KIRREL3: variants seen among roughly 807,000 people sequenced by gnomAD.
The protein encoded by KIRREL3 is kirre like nephrin family adhesion molecule 3.
In KIRREL3, 36 loss-of-function variants were observed where a neutral mutation model predicts 89.7. The observed-to-expected ratio is 0.40, with a 90% confidence interval of 0.31 to 0.53. The LOEUF (loss-of-function observed/expected upper bound fraction) is 0.53. Among genes scored for constraint, KIRREL3 ranks in the 20% least tolerant of loss-of-function variants. The pLI is 0.49. For synonymous variants in KIRREL3, 445 were observed against 441.4 expected, an observed-to-expected ratio of 1.01 and a Z score of -0.10; for missense variants, 864 against 1,056.6, an observed-to-expected ratio of 0.82 and a Z score of 2.53.
intron 11 of KIRREL3, 62 bp from the exon 12 acceptor site, chr11:126,437,071 CAG>C (rs1311910297): frequency 3.6e-6 from 5 of 1,398,256 alleles, no homozygotes; most frequent in Middle Eastern, 5.3e-4. Flanking sequence ...ACGCCCACAC[CAG>C]AGTCACAGTG....
At position 126,965,358 on chromosome 11, in the gene KIRREL3, G is replaced by A. The variant is rs7125248; in HGVS notation, c.55+35097C>T. On this transcript the variant is annotated intron_variant, in intron 1 of 16. Coordinates refer to ENST00000525144, the MANE Select transcript of KIRREL3 (RefSeq NM_032531.4). This position sits in a 1 kb window ranked among gnomAD's most constrained non-coding sequence, Gnocchi z 4.4. ...ATGATAAACTCTACCTTTGGACATC[G>A]GTACTCAACTCTTAAGAAGTGAAGA... 0.06 allele frequency among the ~76,000 whole-genome samples: 9,082 copies of A among 152,188 alleles called. 298 individuals carry two copies. The highest frequency in any genetic ancestry group is 0.083 in the African/African-American group (3,466 of 41,522).
rs571195601 is a variant in KIRREL3 at position 126,523,731 on chromosome 11, T to G, written c.284-2267A>C. ...CCTCTCCCTGCTGCCGCTGCCTTCC[T>G]TGTAGCTGGCTGGCTACCCCCAGCC... is the stretch of plus-strand genomic sequence containing the variant. On this transcript the variant is annotated intron_variant, in intron 3 of 16. Coordinates refer to ENST00000525144, the MANE Select transcript of KIRREL3 (RefSeq NM_032531.4). The surrounding 1 kb of genome is among the most constrained non-coding windows in gnomAD (Gnocchi z 4.9). Among the ~76,000 whole-genome samples, 174 of 152,326 alleles carry G rather than the reference T, an allele frequency of 1.1e-3. 1 individual carries two copies. The highest frequency in any genetic ancestry group is 3.9e-3 in the African/African-American group (164 of 41,580).
intron 4 of KIRREL3, among the ~76,000 whole-genome samples, chr11:126,505,432 G>A (rs574282013): frequency 6.6e-5 from 10 of 152,082 alleles, no homozygotes; most frequent in Admixed American, 2.0e-4. Flanking sequence ...TTAGCCAGGC[G>A]TGGTGGTGGA....
At chr11:126,680,342 G>C (rs968942245) in intron 1 of KIRREL3, among the ~76,000 whole-genome samples, 2 of 152,038 alleles carry the variant, frequency 1.3e-5, no homozygotes, top group Non-Finnish European at 2.9e-5. Context: ...GCATGCAAGG[G>C]ACCGCGTACT....
rs1211731879 is a variant in KIRREL3 at position 126,879,619 on chromosome 11, C to G, written c.55+120836G>C. Among the ~76,000 whole-genome samples, 1 of 152,190 alleles carries G rather than the reference C, an allele frequency of 6.6e-6. No individual in the cohort carries two copies. Among genetic ancestry groups the G allele is most frequent in the Admixed American group, 6.5e-5 (1 of 15,282 alleles). On this transcript the variant is annotated intron_variant, in intron 1 of 16. Coordinates refer to ENST00000525144, the MANE Select transcript of KIRREL3 (RefSeq NM_032531.4). This position sits in a 1 kb window ranked among gnomAD's most constrained non-coding sequence, Gnocchi z 5.4. ...AATCTCTTCCATTTCTCCCATTTCT[C>G]TCACCTCCAAGCCACTTTCCATGTA...
intron 1 of KIRREL3, among the ~76,000 whole-genome samples, chr11:126,803,031 C>G (rs1042221748): frequency 2.6e-5 from 4 of 152,170 alleles, no homozygotes; most frequent in Non-Finnish European, 5.9e-5. Context: ...TTCCTCCATT[C>G]ACGTGAAAAT....
At position 126,562,571 on chromosome 11, in the gene KIRREL3, A is replaced by G. The variant is rs1329461748; in HGVS notation, c.133+264T>C. ...GTGCGGAAGAAATGGTAGGGAAGAG[A>G]GAGGAAGAGAAGTAGGAGACACAAA... On this transcript the variant is annotated intron_variant, in intron 2 of 16. Transcript: ENST00000525144. This position sits in a 1 kb window ranked among gnomAD's most constrained non-coding sequence, Gnocchi z 4.7. Among the ~76,000 whole-genome samples, 1 of 152,102 alleles carries G rather than the reference A, an allele frequency of 6.6e-6. No individual in the cohort carries two copies. The highest frequency in any genetic ancestry group is 1.9e-4 in the East Asian group (1 of 5,196).
At position 126,472,703 on chromosome 11, in the gene KIRREL3, G is replaced by GGAGAGAGAGAGAGAGAGAGAGAGAGA. The variant is rs56276959; in HGVS notation, c.591+580_591+605dup. 9.4e-3 allele frequency among the ~76,000 whole-genome samples: 1,258 copies of GGAGAGAGAGAGAGAGAGAGAGAGAGA among 133,940 alleles called. 27 individuals carry two copies. Among genetic ancestry groups the GGAGAGAGAGAGAGAGAGAGAGAGAGA allele is most frequent in the Admixed American group, 0.013 (157 of 12,180 alleles). 87.9% of individuals were successfully genotyped at this position (133,940 alleles called of 152,430 possible). A position where few individuals can be genotyped will look rare whatever the true frequency, so the allele number is the denominator to read the frequency against. Reference sequence around the variant, plus strand: ...CCCAGCAGTTACCCTAGGACATAGAGGAGAGAGAGAGAGAGAGAGAGAGAG... The same window carrying GGAGAGAGAGAGAGAGAGAGAGAGAGA: ...CCCAGCAGTTACCCTAGGACATAGAGGAGAGAGAGAGAGAGAGAGAGAGAGAGAGAGAGAGAGAGAGAGAGAGAGAG... On this transcript the variant is annotated intron_variant, in intron 5 of 16. Coordinates refer to ENST00000525144, the MANE Select transcript of KIRREL3 (RefSeq NM_032531.4).
rs1380490540 is a variant in KIRREL3 at position 126,997,443 on chromosome 11, G to T, written c.55+3012C>A. On this transcript the variant is annotated intron_variant, in intron 1 of 16. Coordinates refer to ENST00000525144, the MANE Select transcript of KIRREL3 (RefSeq NM_032531.4). The surrounding 1 kb of genome is among the most constrained non-coding windows in gnomAD (Gnocchi z 4.3). ...TTGGGAGCCAGGCCTGGGGACTCTG[G>T]CGGGGGTGGAATCGGGAGGAATGTT... is the stretch of plus-strand genomic sequence containing the variant. 3.9e-5 allele frequency among the ~76,000 whole-genome samples: 6 copies of T among 152,118 alleles called. No individual in the cohort carries two copies. Among genetic ancestry groups the T allele is most frequent in the Non-Finnish European group, 8.8e-5 (6 of 68,002 alleles).
In KIRREL3 at chr11:126,490,659, T is replaced by C. The variant is rs1957487110; in HGVS notation, c.434-17193A>G. Among the ~76,000 whole-genome samples the C allele has an allele frequency of 6.6e-6, 1 of 152,168 alleles. No individual in the cohort carries two copies. Among genetic ancestry groups the C allele is most frequent in the Non-Finnish European group, 1.5e-5 (1 of 68,044 alleles). ...TAAAATAAGAGGGATAATAATTCTG[T>C]GAAGGTTAGGAGAAGTTCCATGGGA... On this transcript the variant is annotated intron_variant, in intron 4 of 16. Coordinates refer to ENST00000525144, the MANE Select transcript of KIRREL3 (RefSeq NM_032531.4). The surrounding 1 kb of genome is among the most constrained non-coding windows in gnomAD (Gnocchi z 4.2).
intron 1 of KIRREL3, among the ~76,000 whole-genome samples, chr11:126,692,417 C>T (rs1946910806): frequency 1.3e-5 from 2 of 151,750 alleles, no homozygotes; most frequent in South Asian, 2.1e-4. Flanking sequence ...TGGTGGCACA[C>T]ACCTGTAGTC....
intron 1 of KIRREL3, among the ~76,000 whole-genome samples, chr11:126,626,416 A>G (rs1239465642): frequency 6.6e-6 from 1 of 152,256 alleles, no homozygotes; most frequent in African/African-American, 2.4e-5. Context: ...AACATTCAGT[A>G]ACCAGCATGG....
At position 126,427,604 on chromosome 11, in the gene KIRREL3, A is replaced by G. The variant is rs1045618803; in HGVS notation, c.1806+1575T>C. 7.2e-5 allele frequency among the ~76,000 whole-genome samples: 11 copies of G among 152,330 alleles called. No individual in the cohort carries two copies. The highest frequency in any genetic ancestry group is 6.5e-4 in the Admixed American group (10 of 15,306). ...CTCTTTGGCATGTCTGGAAGGCCAG[A>G]TGTACTTGGCCGGAAAATGGAGCTG... On this transcript the variant is annotated intron_variant, in intron 15 of 16. Transcript: ENST00000525144. This position sits in a 1 kb window ranked among gnomAD's most constrained non-coding sequence, Gnocchi z 5.3.
At position 126,565,901 on chromosome 11, in the gene KIRREL3, G is replaced by C. The variant is rs1327766480; in HGVS notation, c.56-2989C>G. ...AGCCAAACTAACTAGGTTATTAGGA[G>C]AGAGATGATAGAACATGACAGAAAG... On this transcript the variant is annotated intron_variant, in intron 1 of 16. Coordinates refer to ENST00000525144, the MANE Select transcript of KIRREL3 (RefSeq NM_032531.4). This position sits in a 1 kb window ranked among gnomAD's most constrained non-coding sequence, Gnocchi z 5.4. Among the ~76,000 whole-genome samples, 1 of 152,110 alleles carries C rather than the reference G, an allele frequency of 6.6e-6. No homozygotes were observed. Among genetic ancestry groups the C allele is most frequent in the African/African-American group, 2.4e-5 (1 of 41,416 alleles).
intron 1 of KIRREL3, among the ~76,000 whole-genome samples, chr11:126,920,748 C>G (rs772819319): frequency 4.6e-5 from 7 of 152,206 alleles, no homozygotes; most frequent in Non-Finnish European, 8.8e-5. Context: ...ACTCCATGGT[C>G]CATCACTTCA....
In KIRREL3 at chr11:126,708,230, T is replaced by A. The variant is rs1049598367; in HGVS notation, c.56-145318A>T. Among the ~76,000 whole-genome samples the A allele has an allele frequency of 4.6e-5, 7 of 152,170 alleles. No individual in the cohort carries two copies. The highest frequency in any genetic ancestry group is 1.3e-4 in the Admixed American group (2 of 15,272). On this transcript the variant is annotated intron_variant, in intron 1 of 16. Coordinates refer to ENST00000525144, the MANE Select transcript of KIRREL3 (RefSeq NM_032531.4). This position sits in a 1 kb window ranked among gnomAD's most constrained non-coding sequence, Gnocchi z 5.7. Reference sequence around the variant, plus strand: ...GCTGCTTTTTCCTGGCAGTTTACAATGTTATATTGCTACCAAAGCGGGCAA... The same window carrying A: ...GCTGCTTTTTCCTGGCAGTTTACAAAGTTATATTGCTACCAAAGCGGGCAA...
In KIRREL3 at chr11:126,908,100, A is replaced by G. The variant is rs1340663799; in HGVS notation, c.55+92355T>C. The stretch of plus-strand genomic sequence containing the variant: ...TACCTAACATATAAATCTGTTATGT[A>G]TGTTGTTTATGATCCTGCCCCCTCC... On this transcript the variant is annotated intron_variant, in intron 1 of 16. Transcript: ENST00000525144. This position sits in a 1 kb window ranked among gnomAD's most constrained non-coding sequence, Gnocchi z 4.2. Among the ~76,000 whole-genome samples the G allele has an allele frequency of 2.6e-5, 4 of 152,136 alleles. No individual in the cohort carries two copies. The highest frequency in any genetic ancestry group is 9.7e-5 in the African/African-American group (4 of 41,414).
intron 1 of KIRREL3, among the ~76,000 whole-genome samples, chr11:126,798,966 G>A (rs983602765): frequency 1.3e-5 from 2 of 152,212 alleles, no homozygotes; most frequent in African/African-American, 4.8e-5. Context: ...CACACGAAAG[G>A]ACTTATGAAC....
At chr11:126,799,646 A>G (rs1295762268) in intron 1 of KIRREL3, among the ~76,000 whole-genome samples, 3 of 152,150 alleles carry the variant, frequency 2.0e-5, no homozygotes, top group Non-Finnish European at 4.4e-5. Context: ...TTCACTCCTT[A>G]GAGCAGGGAG....
Sources: gnomAD v4.1 joint callset for allele counts (sites outside exome capture counted in the v4.1 genomes callset) on GRCh38, gnomAD v4.1.1 for gene constraint, Gnocchi (gnomAD v3.1) non-coding constraint, MANE v1.5 for transcripts, NCBI Gene and HGNC (gene_info 2026-07-23, HGNC 2026-07-21) for gene names.